The following OSBPL9 variants were observed in gnomAD, a reference collection of about 807,000 sequenced individuals.
OSBPL9 encodes oxysterol-binding protein-related protein 9.
A neutral mutation model predicts 106.6 loss-of-function variants in OSBPL9; 40 were observed. The observed-to-expected ratio is 0.38, with a 90% CI of 0.29 to 0.49. The LOEUF (loss-of-function observed/expected upper bound fraction) is 0.49. OSBPL9 is among the 20% of genes least tolerant of loss of function. The pLI is 0.97. For missense variants in OSBPL9, 609 were observed against 887.2 expected, an observed-to-expected ratio of 0.69 and a Z score of 3.98; for synonymous variants, 269 against 295.4, an observed-to-expected ratio of 0.91 and a Z score of 0.92.
chr1:51,728,183 TATTGA>T (rs1472815987), intron 4 of OSBPL9, among the ~76,000 whole-genome samples: 1 of 152,212 alleles, frequency 6.6e-6, no homozygotes, highest in Non-Finnish European at 1.5e-5. Flanking sequence ...CATTGTTAAA[TATTGA>T]ATTGTATCCT....
chr1:51,698,429 AC>A (rs1480979883), intron 3 of OSBPL9, among the ~76,000 whole-genome samples: 2 of 152,016 alleles, frequency 1.3e-5, no homozygotes, highest in Admixed American at 6.6e-5. Flanking sequence ...AAGAGCAAGC[AC>A]TCTTTTATGA....
At chr1:51,524,783 A>G in the OSBPL9 span, among the ~76,000 whole-genome samples, 2 of 152,240 alleles carry the variant, frequency 1.3e-5, no homozygotes, top group Admixed American at 1.3e-4. Flanking sequence ...CCCTTGCCCT[A>G]TTTCCTTCCT....
At chr1:51,719,040 A>AT (rs1461501140) in intron 4 of OSBPL9, among the ~76,000 whole-genome samples, 4 of 151,948 alleles carry the variant, frequency 2.6e-5, no homozygotes, top group African/African-American at 7.2e-5. Flanking sequence ...CCTAATCTTT[A>AT]TATCTCTTTT....
At chr1:51,761,244 GGTTTT>G (rs1213674199) in intron 10 of OSBPL9, among the ~76,000 whole-genome samples, 1 of 148,884 alleles carries the variant, frequency 6.7e-6, no homozygotes, top group East Asian at 2.0e-4. Flanking sequence ...ATGACATCTG[GGTTTT>G]GTTTTGTTTT....
intron 7 of OSBPL9, among the ~76,000 whole-genome samples, chr1:51,749,889 A>AG (rs1343654691): frequency 2.6e-5 from 4 of 151,750 alleles, no homozygotes; most frequent in Non-Finnish European, 5.9e-5. Context: ...AAAAAAAAAA[A>AG]AAAGAAAAAA....
At chr1:51,786,032 A>T (rs980645205) in intron 21 of OSBPL9, 146 bp downstream of exon 21, 5 of 681,740 alleles carry the variant, frequency 7.3e-6, no homozygotes, top group East Asian at 2.9e-5. Context: ...GCTCCAGTGT[A>T]TGTCATCTCT....
At chr1:51,537,475 A>G in the OSBPL9 span, among the ~76,000 whole-genome samples, 1 of 152,168 alleles carries the variant, frequency 6.6e-6, no homozygotes, top group Non-Finnish European at 1.5e-5. Context: ...GCTCATTCCT[A>G]TTGGAGTGTA....
chr1:51,651,295 TG>T (rs1487754247), intron 1 of OSBPL9, among the ~76,000 whole-genome samples: 3 of 152,094 alleles, frequency 2.0e-5, no homozygotes, highest in African/African-American at 7.2e-5. Flanking sequence ...GTCTTCTGTT[TG>T]CCTTTGTCAT....
chr1:51,636,940 C>T (rs1645487624), intron 1 of OSBPL9, among the ~76,000 whole-genome samples: 2 of 152,246 alleles, frequency 1.3e-5, no homozygotes, highest in Admixed American at 1.3e-4. Flanking sequence ...AGCATTACCG[C>T]CCTCTGAGGC....
chr1:51,781,569 T>C (rs907097336), intron 16 of OSBPL9: 5 of 386,356 alleles, frequency 1.3e-5, no homozygotes, highest in South Asian at 1.2e-4. Flanking sequence ...GACCATAATA[T>C]AATTTTATGG....
chr1:51,751,220 G>A (rs879377815), intron 8 of OSBPL9, among the ~76,000 whole-genome samples: 3 of 151,962 alleles, frequency 2.0e-5, no homozygotes, highest in African/African-American at 2.4e-5. Context: ...CCTGAGTAGC[G>A]AGGTTACAGG....
At chr1:51,608,109 G>A (rs1330131619) in intron 2 of OSBPL9, among the ~76,000 whole-genome samples, 1 of 152,136 alleles carries the variant, frequency 6.6e-6, no homozygotes, top group African/African-American at 2.4e-5. Flanking sequence ...CCAGTCTAGT[G>A]TTCCTAGAGG....
intron 1 of OSBPL9, among the ~76,000 whole-genome samples, chr1:51,643,035 G>A (rs560761161): frequency 6.6e-6 from 1 of 152,316 alleles, no homozygotes; most frequent in Non-Finnish European, 1.5e-5. Context: ...AGCTGGAAGA[G>A]CATAGTGTCT....
At chr1:51,685,823 G>A (rs1653674306) in intron 3 of OSBPL9, among the ~76,000 whole-genome samples, 1 of 152,144 alleles carries the variant, frequency 6.6e-6, no homozygotes, top group Non-Finnish European at 1.5e-5. Flanking sequence ...CACTGATACA[G>A]CGTATAGATT....
At chr1:51,530,246 A>G in the OSBPL9 span, among the ~76,000 whole-genome samples, 38,714 of 144,460 alleles carry the variant, frequency 0.27, 6,111 homozygotes, top group Middle Eastern at 0.37. Flanking sequence ...TCTTTATTAG[A>G]GGAGGCAATG....
At chr1:51,589,894 G>A (rs928501157) in intron 1 of OSBPL9, among the ~76,000 whole-genome samples, 6 of 151,956 alleles carry the variant, frequency 3.9e-5, no homozygotes, top group South Asian at 2.1e-4. Flanking sequence ...TTAGCTGGGC[G>A]TGGTGGCAGG....
intron 23 of OSBPL9, 28 bp from the exon 24 acceptor site, chr1:51,787,687 A>T: frequency 6.2e-7 from 1 of 1,605,240 alleles, no homozygotes; most frequent in South Asian, 1.1e-5. Context: ...GCAAATATGT[A>T]ACTAAATTCT....
intron 4 of OSBPL9, among the ~76,000 whole-genome samples, chr1:51,716,876 A>G (rs1661158033): frequency 6.6e-6 from 1 of 151,954 alleles, no homozygotes; most frequent in Non-Finnish European, 1.5e-5. Context: ...GCTTTTTTTA[A>G]AAAAAAATTC....
intron 1 of OSBPL9, among the ~76,000 whole-genome samples, chr1:51,595,936 T>C (rs1247086083): frequency 2.0e-5 from 3 of 152,080 alleles, no homozygotes; most frequent in Non-Finnish European, 2.9e-5. Context: ...CACTACACTT[T>C]CGTTTAACTT....
Sources: gnomAD v4.1 joint callset for allele counts (sites outside exome capture counted in the v4.1 genomes callset) on GRCh38, gnomAD v4.1.1 for gene constraint, MANE v1.5 for transcripts, NCBI Gene and HGNC (gene_info 2026-07-23, HGNC 2026-07-21) for gene names.